Variants in RABGAP1 observed in about 807,000 individuals in gnomAD.
The protein encoded by RABGAP1 is RAB GTPase activating protein 1.
RABGAP1 carries 23 observed loss-of-function variants against 137.6 expected under a neutral mutation model. The observed-to-expected ratio is 0.17, with a 90% CI of 0.12 to 0.24. The LOEUF is 0.24. RABGAP1 is among the 10% of genes least tolerant of loss of function. RABGAP1 has a pLI of 1.00. For synonymous variants in RABGAP1, 451 were observed against 450.7 expected, an observed-to-expected ratio of 1.00 and a Z score of -0.01; for missense variants, 906 against 1,275.8, an observed-to-expected ratio of 0.71 and a Z score of 4.42.
chr9:123,098,860 GT>G, intron 23 of RABGAP1, 62 bp downstream of exon 23: 1 of 1,196,810 alleles, frequency 8.4e-7, no homozygotes, highest in Admixed American at 2.0e-5. Flanking sequence ...TGGATAAAAT[GT>G]ATACCCGCCC....
chr9:122,986,505 C>A, intron 4 of RABGAP1, 86 bp downstream of exon 4: 1 of 1,327,774 alleles, frequency 7.5e-7, no homozygotes. Context: ...GAATAAAATA[C>A]ATATTAATAG....
At chr9:123,040,148 A>G (rs12350789) in intron 13 of RABGAP1, among the ~76,000 whole-genome samples, 16,592 of 152,094 alleles carry the variant, frequency 0.11, 2,922 homozygotes, top group African/African-American at 0.37. Flanking sequence ...CTTGTGGAAA[A>G]ATTCTGTGAT....
chr9:123,070,336 G>A lies in RABGAP1; in HGVS notation c.1909-14G>A. 1 of 1,613,798 alleles carries A rather than the reference G, an allele frequency of 6.2e-7. No individual in the cohort carries two copies. Among genetic ancestry groups the A allele is most frequent in the Non-Finnish European group, 8.5e-7 (1 of 1,179,874 alleles). ...ACATTCATTTACATTTCCTCTGTGTGTTTTATTTTCCAGGCTTATTCTGTG... is the reference window on the plus strand; with the variant it reads ...ACATTCATTTACATTTCCTCTGTGTATTTTATTTTCCAGGCTTATTCTGTG... On this transcript the variant is annotated splice_polypyrimidine_tract_variant and intron_variant, in intron 14 of 25. Transcript: ENST00000373647. The surrounding 1 kb of genome is among the most constrained non-coding windows in gnomAD (Gnocchi z 4.4).
chr9:122,934,557 T>C, the RABGAP1 span, among the ~76,000 whole-genome samples: 2 of 151,980 alleles, frequency 1.3e-5, no homozygotes, highest in Non-Finnish European at 2.9e-5. Flanking sequence ...GGCTGGATTG[T>C]AGTGGCATGA....
intron 14 of RABGAP1, among the ~76,000 whole-genome samples, chr9:123,066,012 A>G (rs2034159187): frequency 6.6e-6 from 1 of 152,222 alleles, no homozygotes; most frequent in African/African-American, 2.4e-5. Flanking sequence ...GGGTTATAAA[A>G]GGAGGAGATA....
chr9:123,083,015 A>T (rs1361556841), intron 19 of RABGAP1, among the ~76,000 whole-genome samples: 1 of 152,242 alleles, frequency 6.6e-6, no homozygotes, highest in African/African-American at 2.4e-5. Context: ...AATCATACAC[A>T]GTGCTCTCAT....
intron 13 of RABGAP1, among the ~76,000 whole-genome samples, chr9:123,030,494 A>G (rs1400753520): frequency 6.6e-6 from 1 of 152,202 alleles, no homozygotes; most frequent in Non-Finnish European, 1.5e-5. Flanking sequence ...TCAGCCTTCA[A>G]AGTAAATATA....
chr9:123,095,187 A>G lies in RABGAP1; in HGVS notation c.2629-2554A>G, dbSNP rs1057391607. Among the ~76,000 whole-genome samples the G allele has an allele frequency of 8.9e-5, 12 of 134,140 alleles. No homozygotes were observed. The East Asian group carries it at 1.2e-3, about 14-fold the overall frequency. 88.0% of individuals were successfully genotyped at this position (134,140 alleles called of 152,430 possible). A position where few individuals can be genotyped will look rare whatever the true frequency, so the allele number is the denominator to read the frequency against. Reference sequence around the variant, plus strand: ...GGCTGCAGTGAACCGAGATCATGCCACTGCACTCCAGCCTGGGTGACAGAG... The same window carrying G: ...GGCTGCAGTGAACCGAGATCATGCCGCTGCACTCCAGCCTGGGTGACAGAG... On this transcript the variant is annotated intron_variant, in intron 21 of 25. Transcript: ENST00000373647.
chr9:122,939,866 T>A, upstream of RABGAP1: 1 of 152,232 alleles, frequency 6.6e-6, no homozygotes, highest in East Asian at 1.9e-4. Flanking sequence ...TCTCACTGTT[T>A]TTTCTCTGGT....
intron 19 of RABGAP1, 78 bp downstream of exon 19, chr9:123,076,840 T>A: frequency 5.6e-5 from 53 of 948,800 alleles, no homozygotes; most frequent in Non-Finnish European, 6.8e-5. Context: ...TAATACATAA[T>A]TATTTATGTA....
At chr9:123,089,705 AG>A in intron 19 of RABGAP1, 52 bp from the exon 20 acceptor site, 2 of 1,450,184 alleles carry the variant, frequency 1.4e-6, no homozygotes, top group African/African-American at 2.8e-5. Context: ...CAGGCACTGA[AG>A]CACCCACTAC....
At chr9:123,006,839 C>CCTCA (rs2131858769) in intron 10 of RABGAP1, among the ~76,000 whole-genome samples, 1 of 152,224 alleles carries the variant, frequency 6.6e-6, no homozygotes, top group South Asian at 2.1e-4. Context: ...GAACTCCTGA[C>CCTCA]CTCAGGTGAT....
At chr9:123,065,863 A>G (rs1383057165) in intron 14 of RABGAP1, among the ~76,000 whole-genome samples, 1 of 152,224 alleles carries the variant, frequency 6.6e-6, no homozygotes, top group Non-Finnish European at 1.5e-5. Flanking sequence ...ATCCAGGTGT[A>G]CTTATAGCAC....
chr9:123,041,756 G>C (rs1436750170), intron 13 of RABGAP1, among the ~76,000 whole-genome samples: 1 of 152,198 alleles, frequency 6.6e-6, no homozygotes, highest in Non-Finnish European at 1.5e-5. Context: ...GGAGCAAAAA[G>C]AAACAGCCTG....
intron 2 of RABGAP1, among the ~76,000 whole-genome samples, chr9:122,983,759 C>A (rs1392538891): frequency 6.6e-6 from 1 of 152,174 alleles, no homozygotes; most frequent in Non-Finnish European, 1.5e-5. Context: ...AGTGACAATA[C>A]TGCATTATGT....
intron 1 of RABGAP1, among the ~76,000 whole-genome samples, chr9:122,947,242 GATAA>G (rs1833993513): frequency 1.3e-5 from 2 of 152,148 alleles, no homozygotes; most frequent in African/African-American, 2.4e-5. Flanking sequence ...GTTATGAAAT[GATAA>G]ATATTGTGTA....
rs149487761 is a variant in RABGAP1, at chr9:122,970,776, C to A, written c.150+13567C>A. Among the ~76,000 whole-genome samples, 198 of 152,322 alleles carry A rather than the reference C, an allele frequency of 1.3e-3. 2 individuals are homozygous for A. The highest frequency in any genetic ancestry group is 4.6e-3 in the African/African-American group (193 of 41,564). On this transcript the variant is annotated intron_variant, in intron 2 of 25. Coordinates refer to ENST00000373647, the MANE Select transcript of RABGAP1 (RefSeq NM_012197.4). Reference sequence around the variant, plus strand: ...TGAAAGGTCATTTGACAGCTAGTAACTATCACAGGATAGGAATTCCCATTT... The same window carrying A: ...TGAAAGGTCATTTGACAGCTAGTAAATATCACAGGATAGGAATTCCCATTT...
intron 13 of RABGAP1, among the ~76,000 whole-genome samples, chr9:123,037,915 T>G (rs2032749751): frequency 6.6e-6 from 1 of 152,148 alleles, no homozygotes; most frequent in South Asian, 2.1e-4. Flanking sequence ...AAAAAATGTA[T>G]TTTTAGATTC....
chr9:123,098,940 G>A, intron 23 of RABGAP1, 142 bp downstream of exon 23: 1 of 552,896 alleles, frequency 1.8e-6, no homozygotes, highest in African/African-American at 2.0e-5. Flanking sequence ...CTGACAAGTG[G>A]CTTCACTTAT....
Sources: allele counts gnomAD v4.1 joint callset (sites outside exome capture counted in the v4.1 genomes callset), GRCh38; gene constraint gnomAD v4.1.1; non-coding constraint Gnocchi (gnomAD v3.1); transcripts MANE v1.5; gene names NCBI Gene and HGNC (gene_info 2026-07-23, HGNC 2026-07-21).